The following CPD variants were observed in gnomAD, a reference collection of about 807,000 sequenced individuals.
CPD encodes the protein carboxypeptidase D.
CPD carries 69 observed loss-of-function variants against 138.3 expected under a neutral mutation model. The ratio of observed to expected loss-of-function variants is 0.50; its 90% CI spans 0.41 to 0.61. CPD has a LOEUF of 0.61. CPD is among the 20% of genes least tolerant of loss of function. The pLI is 0.00. For synonymous variants in CPD, 651 were observed against 642.1 expected, an observed-to-expected ratio of 1.01 and a Z score of -0.21; for missense variants, 1,432 against 1,733.3, an observed-to-expected ratio of 0.83 and a Z score of 3.09.
chr17:30,433,543 C>G (rs371376027), intron 8 of CPD, among the ~76,000 whole-genome samples: 1 of 152,140 alleles, frequency 6.6e-6, no homozygotes, highest in Admixed American at 6.6e-5. Context: ...TCAGTAATTA[C>G]CATTATCTCT....
At position 30,464,637 on chromosome 17, in the gene CPD, C is replaced by T. The variant is rs1913584527; in HGVS notation, c.3966C>T (p.Ile1322=). ...LILTACIIWC[I]CSIKSNRHKD... is the part of the protein sequence containing the mutation. ...TAACAGCTTGCATTATTTGGTGCATCTGCTCAATCAAGTCTAATAGACACA... is the reference window on the plus strand; with the variant it reads ...TAACAGCTTGCATTATTTGGTGCATTTGCTCAATCAAGTCTAATAGACACA... Residue 1322 remains isoleucine (I), a synonymous_variant, in exon 21 of 21, where the codon ATC becomes ATT. Coordinates refer to ENST00000225719, the MANE Select transcript of CPD (RefSeq NM_001304.5). The T allele has an allele frequency of 1.9e-6, 3 of 1,613,892 alleles. No homozygotes were observed. Among genetic ancestry groups the T allele is most frequent in the Non-Finnish European group, 8.5e-7 (1 of 1,179,886 alleles).
intron 8 of CPD, among the ~76,000 whole-genome samples, chr17:30,437,994 G>A (rs1016967705): frequency 7.1e-6 from 1 of 140,080 alleles, no homozygotes; most frequent in Non-Finnish European, 1.5e-5. Context: ...GTAGCACCAT[G>A]TGTGGCTTTT....
intron 10 of CPD, 109 bp downstream of exon 10, chr17:30,442,559 A>G: frequency 8.6e-6 from 9 of 1,043,888 alleles, no homozygotes; most frequent in East Asian, 2.6e-5. Context: ...TAAAATTTCA[A>G]TTCATTTTAG....
chr17:30,395,281 A>G (rs1031439992), intron 2 of CPD, among the ~76,000 whole-genome samples: 4 of 148,954 alleles, frequency 2.7e-5, no homozygotes, highest in African/African-American at 1.0e-4. Flanking sequence ...CAATTCAGAT[A>G]TTAATTCTCA....
At chr17:30,396,951 C>T (rs1002846144) in intron 2 of CPD, among the ~76,000 whole-genome samples, 9 of 151,974 alleles carry the variant, frequency 5.9e-5, no homozygotes, top group African/African-American at 9.7e-5. Flanking sequence ...GGTTCTATCT[C>T]ATATTCTCTT....
chr17:30,465,637 G>A lies in CPD; in HGVS notation c.*823G>A, dbSNP rs559101075. 6.5e-6 allele frequency: 1 copy of A among 152,758 alleles called. No homozygotes were observed. Among genetic ancestry groups the A allele is most frequent in the African/African-American group, 2.4e-5 (1 of 41,576 alleles). 9.5% of individuals were successfully genotyped at this position (152,758 alleles called of 1,614,324 possible). On this transcript the variant is annotated 3_prime_UTR_variant, in exon 21 of 21. Transcript: ENST00000225719. ...AGGTGCTGCTGCTTATATCTGTGAA[G>A]CACTAGCTTATTCTAGGAATGCCTG...
chr17:30,410,237 T>C (rs1030970109), intron 2 of CPD, among the ~76,000 whole-genome samples: 13 of 152,332 alleles, frequency 8.5e-5, no homozygotes, highest in Admixed American at 6.5e-4. Context: ...TGTTGTGATT[T>C]CTGTTCTTTT....
intron 15 of CPD, 168 bp from the exon 16 acceptor site, chr17:30,456,085 CTAT>C: frequency 1.7e-6 from 1 of 584,714 alleles, no homozygotes; most frequent in Non-Finnish European, 3.0e-6. Flanking sequence ...TGTTTGTCTT[CTAT>C]TATCTTGGGC....
rs1910958674 is a variant in CPD, at chr17:30,378,947, G to A, written c.-34G>A. ...CCGCCGCCCGGAGCGCTGAGCCGCG[G>A]GAGCGGAGCCGGGGTTAGCGGCGCT... On this transcript the variant is annotated 5_prime_UTR_variant, in exon 1 of 21. Transcript: ENST00000225719. 7.0e-7 allele frequency: 1 copy of A among 1,426,886 alleles called. No individual in the cohort carries two copies. The highest frequency in any genetic ancestry group is 9.1e-7 in the Non-Finnish European group (1 of 1,104,598). The allele number at this position is 1,426,886 out of a possible 1,614,324, so 88.4% of individuals were successfully genotyped here.
chr17:30,464,669 G>C lies in CPD; in HGVS notation c.3998G>C (p.Gly1333Ala), dbSNP rs778824915. The C allele has an allele frequency of 6.2e-7, 1 of 1,613,952 alleles. No individual in the cohort carries two copies. The highest frequency in any genetic ancestry group is 8.5e-7 in the Non-Finnish European group (1 of 1,179,916). ...CSIKSNRHKD[G>A]FHRLRQHHDE... ...ATCAAGTCTAATAGACACAAGGATG[G>C]CTTTCATCGGCTCAGGCAGCATCAT... Residue 1333 changes from glycine (G) to alanine (A), a missense_variant, in exon 21 of 21, where the codon GGC becomes GCC. Gly to Ala is a moderately conservative substitution (Grantham distance 60, BLOSUM62 0). Around this residue, in one of 6 missense-constraint regions of CPD, gnomAD observed 366 missense variants for 518.8 expected, o/e 0.71. Coordinates refer to ENST00000225719, the MANE Select transcript of CPD (RefSeq NM_001304.5).
intron 9 of CPD, among the ~76,000 whole-genome samples, chr17:30,442,096 ATT>A (rs1183229453): frequency 6.6e-6 from 1 of 151,986 alleles, no homozygotes; most frequent in East Asian, 1.9e-4. Flanking sequence ...AGCTCCTGTT[ATT>A]GGTCTATTAA....
At chr17:30,459,337 T>C (rs995074210) in intron 17 of CPD, among the ~76,000 whole-genome samples, 3 of 151,894 alleles carry the variant, frequency 2.0e-5, no homozygotes, top group Admixed American at 6.6e-5. Context: ...CATCAACTCA[T>C]CATTTAACAT....
chr17:30,449,834 C>T, intron 13 of CPD, 86 bp downstream of exon 13: 1 of 1,239,906 alleles, frequency 8.1e-7, no homozygotes, highest in Non-Finnish European at 1.1e-6. Context: ...TTTTTAATTT[C>T]TTGCTAGATT....
intron 8 of CPD, among the ~76,000 whole-genome samples, chr17:30,433,517 CTTTGCCCTCCAG>C (rs1478706496): frequency 6.6e-6 from 1 of 152,172 alleles, no homozygotes; most frequent in Non-Finnish European, 1.5e-5. Context: ...GACATAACTG[CTTTGCCCTCCAG>C]TCCTCAGTAA....
rs1165987324 is a variant in CPD at position 30,384,951 on chromosome 17, CT to C, written c.747-32del. 24 of 1,587,260 alleles carry C rather than the reference CT, an allele frequency of 1.5e-5. No homozygotes were observed. In the East Asian group the frequency reaches 5.4e-4, roughly 36 times the overall value. ...TTTTTAATGCATGGTGTTTTGTGTC[CT>C]TTTTTAGTGATACGTGATTTGGTTG... On this transcript the variant is annotated intron_variant, in intron 1 of 20. Transcript: ENST00000225719.
Position 30,449,661 on chromosome 17 carries a change from T to C in CPD, c.2982T>C (p.His994=). The part of the protein sequence containing the change: ...EPKIRFVAGI[H]GNAPVGTELL... ...AGATTCGTTTTGTTGCTGGTATCCA[T>C]GGAAATGCGCCAGTTGGAACTGAAC... Residue 994 remains histidine, a synonymous_variant, in exon 13 of 21, where the codon CAT becomes CAC. Coordinates refer to ENST00000225719, the MANE Select transcript of CPD (RefSeq NM_001304.5). The C allele has an allele frequency of 6.2e-7, 1 of 1,608,674 alleles. No individual in the cohort carries two copies. The highest frequency in any genetic ancestry group is 8.5e-7 in the Non-Finnish European group (1 of 1,178,816).
Position 30,423,498 on chromosome 17 carries a change from G to GT in CPD, c.1658-4dup. ...AAAAAGCCTTCCATGTAATTATTTT[G>GT]TTTTCAGGTGAACCAGAATTTAAGT... is the stretch of plus-strand genomic sequence containing the variant. On this transcript the variant is annotated splice_region_variant and splice_polypyrimidine_tract_variant and intron_variant, in intron 5 of 20. Coordinates refer to ENST00000225719, the MANE Select transcript of CPD (RefSeq NM_001304.5). 1 of 1,517,152 alleles carries GT rather than the reference G, an allele frequency of 6.6e-7. No individual in the cohort carries two copies. The highest frequency in any genetic ancestry group is 8.8e-7 in the Non-Finnish European group (1 of 1,132,352). The allele number at this position is 1,517,152 out of a possible 1,614,324, so 94.0% of individuals were successfully genotyped here.
chr17:30,385,311 A>T, intron 2 of CPD, 75 bp downstream of exon 2: 1 of 1,489,352 alleles, frequency 6.7e-7, no homozygotes, highest in East Asian at 2.3e-5. Flanking sequence ...TGAGCAAAAA[A>T]GAAGAAACTC....
intron 2 of CPD, among the ~76,000 whole-genome samples, chr17:30,402,753 T>A (rs184361287): frequency 6.6e-6 from 1 of 152,328 alleles, no homozygotes; most frequent in Non-Finnish European, 1.5e-5. Context: ...TTGGATTATA[T>A]CCTGGACATT....
Sources: allele counts gnomAD v4.1 joint callset (sites outside exome capture counted in the v4.1 genomes callset), GRCh38; gene constraint gnomAD v4.1.1; regional missense constraint gnomAD v4.1.1; transcripts MANE v1.5; gene names NCBI Gene and HGNC (gene_info 2026-07-23, HGNC 2026-07-21).